The following TSPEAR variants were observed in gnomAD, a reference collection of about 807,000 sequenced individuals.
TSPEAR encodes thrombospondin-type laminin G domain and EAR repeat-containing protein.
A neutral mutation model predicts 71.6 loss-of-function variants in TSPEAR; 69 were observed. The observed-to-expected ratio is 0.96, with a 90% CI of 0.79 to 1.18. The LOEUF (loss-of-function observed/expected upper bound fraction) is 1.18, where lower values mean the gene tolerates loss of function less well. TSPEAR is among the 50% of genes most tolerant of loss of function. TSPEAR has a pLI of 0.00. For missense variants in TSPEAR, 971 were observed against 894.9 expected, an observed-to-expected ratio of 1.09 and a Z score of -1.09; for synonymous variants, 402 against 387.2, an observed-to-expected ratio of 1.04 and a Z score of -0.45.
In TSPEAR at chr21:44,654,436, C is replaced by T. The variant is rs782754899; in HGVS notation, c.82+56997G>A. ...CACCTGGCAGGGGCTGGGCACACAG[C>T]AGGCTGGCTGGCAGCAGGTGGATAC... On this transcript the variant is annotated intron_variant, in intron 1 of 11. Coordinates refer to ENST00000323084, the MANE Select transcript of TSPEAR (RefSeq NM_144991.3). The T allele has an allele frequency of 3.7e-6, 6 of 1,614,150 alleles. No individual in the cohort carries two copies. The East Asian group carries it at 8.9e-5, about 24-fold the overall frequency.
At chr21:44,667,121 A>G (rs1208510099) in intron 1 of TSPEAR, among the ~76,000 whole-genome samples, 1 of 152,178 alleles carries the variant, frequency 6.6e-6, no homozygotes, top group Non-Finnish European at 1.5e-5. Context: ...AACTCTTGGT[A>G]TGCTTGGAAA....
At chr21:44,563,889 A>T (rs1483551421) in intron 2 of TSPEAR, among the ~76,000 whole-genome samples, 1 of 152,194 alleles carries the variant, frequency 6.6e-6, no homozygotes, top group African/African-American at 2.4e-5. Context: ...CTTATGCCTT[A>T]ACAAAGCTTC....
chr21:44,539,173 C>G (rs1230718969), intron 2 of TSPEAR: 5 of 1,447,718 alleles, frequency 3.5e-6, no homozygotes, highest in East Asian at 2.5e-5. Context: ...GGGGGGTCAC[C>G]TCAGCACAGG....
intron 1 of TSPEAR, among the ~76,000 whole-genome samples, chr21:44,631,771 C>A (rs1316637588): frequency 6.6e-6 from 1 of 152,174 alleles, no homozygotes; most frequent in Non-Finnish European, 1.5e-5. Context: ...CAGAGTTTAA[C>A]TGGCCTGTAG....
chr21:44,672,878 G>A (rs781824848), intron 1 of TSPEAR, among the ~76,000 whole-genome samples: 6 of 152,168 alleles, frequency 3.9e-5, no homozygotes, highest in Non-Finnish European at 8.8e-5. Context: ...CTCCAGCCAT[G>A]TAGGACATTC....
chr21:44,532,131 G>C (rs782358034), intron 3 of TSPEAR, among the ~76,000 whole-genome samples: 5 of 152,226 alleles, frequency 3.3e-5, no homozygotes, highest in Non-Finnish European at 7.3e-5. Context: ...GCCTGCCAAG[G>C]GGTTAAGTTC....
At chr21:44,553,921 T>C (rs931590978) in intron 2 of TSPEAR, among the ~76,000 whole-genome samples, 1 of 152,216 alleles carries the variant, frequency 6.6e-6, no homozygotes, top group Non-Finnish European at 1.5e-5. Context: ...TTTCCTTTTT[T>C]CAAATTATTA....
chr21:44,634,088 T>C (rs1555936189), intron 1 of TSPEAR, among the ~76,000 whole-genome samples: 1 of 152,124 alleles, frequency 6.6e-6, no homozygotes, highest in Non-Finnish European at 1.5e-5. Flanking sequence ...CCTAAAAAAA[T>C]ATGTTTTTTC....
At chr21:44,547,532 T>C (rs1457003489) in intron 2 of TSPEAR, among the ~76,000 whole-genome samples, 1 of 152,220 alleles carries the variant, frequency 6.6e-6, no homozygotes, top group Non-Finnish European at 1.5e-5. Context: ...CAGTTTGCTG[T>C]TGCTGATTGT....
At chr21:44,558,503 G>A in intron 2 of TSPEAR, 1 of 1,613,902 alleles carries the variant, frequency 6.2e-7, no homozygotes. Flanking sequence ...AGGAGCTGGT[G>A]CAGCCTGACT....
intron 1 of TSPEAR, among the ~76,000 whole-genome samples, chr21:44,648,915 A>G (rs1157508064): frequency 1.3e-5 from 2 of 152,250 alleles, no homozygotes; most frequent in African/African-American, 2.4e-5. Flanking sequence ...CTAGGGCTGC[A>G]GTGGCGGGGT....
chr21:44,676,588 G>A (rs587655246), intron 1 of TSPEAR: 117 of 727,752 alleles, frequency 1.6e-4, no homozygotes, highest in Admixed American at 1.3e-3. Context: ...TTCTTGTTCC[G>A]AGAGTTTCTC....
chr21:44,550,715 G>A, intron 2 of TSPEAR: 2 of 1,614,032 alleles, frequency 1.2e-6, no homozygotes, highest in Non-Finnish European at 1.7e-6. Flanking sequence ...TTTGGCCTGA[G>A]GAAAAGCTGC....
At chr21:44,511,440 A>G (rs2052375976) in intron 9 of TSPEAR, among the ~76,000 whole-genome samples, 1 of 152,234 alleles carries the variant, frequency 6.6e-6, no homozygotes, top group Non-Finnish European at 1.5e-5. Context: ...ACACATGCAG[A>G]TACACAGGCC....
chr21:44,535,466 G>A (rs1004076968), intron 2 of TSPEAR, among the ~76,000 whole-genome samples: 3 of 152,248 alleles, frequency 2.0e-5, no homozygotes, highest in Admixed American at 1.3e-4. Context: ...ATACAGTCAC[G>A]TACGGCCAGA....
rs1420678026 is a variant in TSPEAR, at chr21:44,642,364, T to C, written c.82+69069A>G. 6.6e-6 allele frequency among the ~76,000 whole-genome samples: 1 copy of C among 152,184 alleles called. No homozygotes were observed. The highest frequency in any genetic ancestry group is 1.5e-5 in the Non-Finnish European group (1 of 68,036). On this transcript the variant is annotated intron_variant, in intron 1 of 11. Coordinates refer to ENST00000323084, the MANE Select transcript of TSPEAR (RefSeq NM_144991.3). This position sits in a 1 kb window ranked among gnomAD's most constrained non-coding sequence, Gnocchi z 4.1. ...AGAGATCAGAAGAAGCCAGAGGTCC[T>C]CTGGATTCCTCTAGTAAGACTGGTG... is the stretch of plus-strand genomic sequence containing the variant.
chr21:44,674,023 G>T (rs1165501947), intron 1 of TSPEAR, among the ~76,000 whole-genome samples: 2 of 151,848 alleles, frequency 1.3e-5, no homozygotes, highest in Non-Finnish European at 2.9e-5. Context: ...ATGTGGTGGT[G>T]CCTATAGTCC....
intron 1 of TSPEAR, among the ~76,000 whole-genome samples, chr21:44,634,170 G>T (rs1332980886): frequency 6.6e-6 from 1 of 152,184 alleles, no homozygotes; most frequent in African/African-American, 2.4e-5. Flanking sequence ...GATCACTTAA[G>T]TCCAGGAGTT....
At position 44,654,252 on chromosome 21, in the gene TSPEAR, C is replaced by T. The variant is rs372241192; in HGVS notation, c.82+57181G>A. On this transcript the variant is annotated intron_variant, in intron 1 of 11. Transcript: ENST00000323084. Reference sequence around the variant, plus strand: ...CTGCTGGCTTCTGACCTCGCACCTACGAGGGTCATAGGAGGCCACCTGCTC... The same window carrying T: ...CTGCTGGCTTCTGACCTCGCACCTATGAGGGTCATAGGAGGCCACCTGCTC... 3.8e-5 allele frequency: 60 copies of T among 1,585,084 alleles called. No individual in the cohort carries two copies. The African/African-American group carries it at 5.7e-4, about 15-fold the overall frequency.
Sources: allele counts gnomAD v4.1 joint callset (sites outside exome capture counted in the v4.1 genomes callset), GRCh38; gene constraint gnomAD v4.1.1; non-coding constraint Gnocchi (gnomAD v3.1); transcripts MANE v1.5; gene names NCBI Gene and HGNC (gene_info 2026-07-23, HGNC 2026-07-21).